FSTL5: variants seen among roughly 807,000 people sequenced by gnomAD.
FSTL5 encodes the protein follistatin-related protein 5.
A neutral mutation model predicts 89.1 loss-of-function variants in FSTL5; 62 were observed. The ratio of observed to expected loss-of-function variants is 0.70; its 90% CI spans 0.57 to 0.86. FSTL5 has a LOEUF of 0.86. Ranked by LOEUF, FSTL5 falls within the 40% of genes least tolerant of loss-of-function variation. FSTL5 has a pLI of 0.00. For missense variants in FSTL5, 1,057 were observed against 1,001.6 expected (o/e 1.06, Z -0.75); for synonymous variants, 383 against 346.2 (o/e 1.11, Z -1.18).
intron 4 of FSTL5, among the ~76,000 whole-genome samples, chr4:161,873,540 A>C (rs1378238055): frequency 2.3e-4 from 28 of 120,946 alleles, no homozygotes; most frequent in Admixed American, 2.9e-4. Flanking sequence ...TCCATCCCAC[A>C]CTCCTTCCTT....
intron 1 of FSTL5, among the ~76,000 whole-genome samples, chr4:162,111,962 T>C (rs1731461493): frequency 6.6e-6 from 1 of 152,182 alleles, no homozygotes; most frequent in African/African-American, 2.4e-5. Flanking sequence ...TTTTTCAGTA[T>C]TTAAAAAGGC....
chr4:161,920,728 G>A (rs940349515), intron 3 of FSTL5, 76 bp from the exon 4 acceptor site: 9 of 1,391,880 alleles, frequency 6.5e-6, no homozygotes, highest in Non-Finnish European at 8.8e-6. Flanking sequence ...AGTATCAAGT[G>A]GAAAACAAGT....
rs555593366 is a variant in FSTL5 at position 161,629,348 on chromosome 4, AT to A, written c.894+26979del. On this transcript the variant is annotated intron_variant, in intron 7 of 15. Transcript: ENST00000306100. ...CAATGAAGTTATAGTAAATTAGATA[AT>A]TTTTTTTTTTGAGACGGAGTTTTGC... Among the ~76,000 whole-genome samples the A allele has an allele frequency of 8.9e-3, 1,334 of 149,760 alleles. 16 individuals carry two copies. The highest frequency in any genetic ancestry group is 0.03 in the African/African-American group (1,223 of 40,970).
chr4:161,496,668 A>C (rs1730084325), intron 12 of FSTL5, among the ~76,000 whole-genome samples: 1 of 152,102 alleles, frequency 6.6e-6, no homozygotes, highest in Admixed American at 6.6e-5. Context: ...ATCAACTCTT[A>C]TCTGAATTTC....
At chr4:162,138,320 TTTGA>T (rs1171137476) in intron 1 of FSTL5, among the ~76,000 whole-genome samples, 6 of 151,530 alleles carry the variant, frequency 4.0e-5, no homozygotes, top group Non-Finnish European at 7.4e-5. Context: ...AATTAATTAG[TTTGA>T]TTGGTAGTTA....
chr4:162,124,902 AC>A (rs1322169390), intron 1 of FSTL5, among the ~76,000 whole-genome samples: 1 of 152,102 alleles, frequency 6.6e-6, no homozygotes, highest in African/African-American at 2.4e-5. Flanking sequence ...ACGGGTTTTC[AC>A]CGTGTTAGCC....
intron 15 of FSTL5, among the ~76,000 whole-genome samples, chr4:161,446,028 T>A (rs189742421): frequency 2.6e-5 from 4 of 152,168 alleles, no homozygotes; most frequent in Admixed American, 6.6e-5. Context: ...GTAATTTCTT[T>A]ATTGTACATG....
chr4:161,727,625 T>C (rs535087594), intron 6 of FSTL5, among the ~76,000 whole-genome samples: 44 of 152,298 alleles, frequency 2.9e-4, no homozygotes, highest in Middle Eastern at 6.8e-3. Flanking sequence ...CCCTGCATTT[T>C]TGCATGGAAT....
intron 8 of FSTL5, 77 bp downstream of exon 8, chr4:161,587,378 C>G (rs1733651884): frequency 6.9e-7 from 1 of 1,443,814 alleles, no homozygotes; most frequent in African/African-American, 1.4e-5. Context: ...TGTAAAAACT[C>G]AAAAAATTGA....
chr4:161,803,016 T>C (rs1729846092), intron 4 of FSTL5, among the ~76,000 whole-genome samples: 1 of 151,968 alleles, frequency 6.6e-6, no homozygotes, highest in African/African-American at 2.4e-5. Flanking sequence ...TTTAGTGTTC[T>C]TGTTTTAAAA....
intron 4 of FSTL5, among the ~76,000 whole-genome samples, chr4:161,788,553 C>T (rs368653959): frequency 1.7e-4 from 26 of 152,232 alleles, no homozygotes; most frequent in African/African-American, 5.5e-4. Flanking sequence ...AATTCAGTTT[C>T]ACAGGTGCGT....
chr4:161,704,552 C>T (rs1276866671), intron 6 of FSTL5, among the ~76,000 whole-genome samples: 1 of 152,074 alleles, frequency 6.6e-6, no homozygotes. Context: ...TGATCACAAA[C>T]AAGGGACCAC....
intron 4 of FSTL5, among the ~76,000 whole-genome samples, chr4:161,835,184 G>A (rs1730995132): frequency 6.6e-6 from 1 of 151,414 alleles, no homozygotes; most frequent in Non-Finnish European, 1.5e-5. Context: ...ACAAACCTGA[G>A]AAAACCAAGA....
intron 12 of FSTL5, among the ~76,000 whole-genome samples, chr4:161,495,996 T>G (rs773300150): frequency 5.3e-4 from 81 of 152,224 alleles, no homozygotes; most frequent in Middle Eastern, 3.4e-3. Flanking sequence ...TCTGAAACAA[T>G]TCAATAATAA....
intron 12 of FSTL5, among the ~76,000 whole-genome samples, chr4:161,486,042 G>A (rs1005108140): frequency 7.9e-5 from 12 of 151,420 alleles, no homozygotes. Context: ...CACTCAGGAG[G>A]CTGAGGCAGG....
At chr4:161,591,264 C>T (rs1733810539) in intron 7 of FSTL5, among the ~76,000 whole-genome samples, 1 of 152,136 alleles carries the variant, frequency 6.6e-6, no homozygotes, top group African/African-American at 2.4e-5. Flanking sequence ...ATGAGCATAT[C>T]CATAGACATA....
chr4:162,156,149 C>G (rs1000036828), intron 1 of FSTL5, among the ~76,000 whole-genome samples: 2 of 152,064 alleles, frequency 1.3e-5, no homozygotes, highest in African/African-American at 4.8e-5. Context: ...TGCTCCACGT[C>G]ACAAATCAAT....
intron 4 of FSTL5, among the ~76,000 whole-genome samples, chr4:161,813,167 C>T (rs1333898917): frequency 6.6e-6 from 1 of 151,944 alleles, no homozygotes; most frequent in Non-Finnish European, 1.5e-5. Context: ...GCTGGGACTA[C>T]AGGCGCGTGC....
chr4:162,024,520 A>G (rs991167364), intron 3 of FSTL5, among the ~76,000 whole-genome samples: 3 of 152,192 alleles, frequency 2.0e-5, no homozygotes, highest in African/African-American at 7.2e-5. Context: ...CTGGCAAGCT[A>G]ACATTACCAC....
Sources: gnomAD v4.1 joint callset for allele counts (sites outside exome capture counted in the v4.1 genomes callset) on GRCh38, gnomAD v4.1.1 for gene constraint, MANE v1.5 for transcripts, NCBI Gene and HGNC (gene_info 2026-07-23, HGNC 2026-07-21) for gene names.